Variants in SPG11 observed in about 807,000 individuals in gnomAD.
SPG11 encodes the protein spatacsin.
In SPG11, 222 loss-of-function variants were observed where a neutral mutation model predicts 274.0. The ratio of observed to expected loss-of-function variants is 0.81; its 90% CI spans 0.73 to 0.91. The LOEUF is 0.91. Among genes scored for constraint, SPG11 ranks in the 40% least tolerant of loss-of-function variants. The pLI, the probability that SPG11 is intolerant of heterozygous loss-of-function variation, is 0.00. For missense variants in SPG11, 3,114 were observed against 2,872.7 expected, an observed-to-expected ratio of 1.08 and a Z score of -1.92; for synonymous variants, 1,144 against 1,039.7, an observed-to-expected ratio of 1.10 and a Z score of -1.93.
At chr15:44,638,239 G>A (rs1475167434) in intron 7 of SPG11, among the ~76,000 whole-genome samples, 2 of 151,986 alleles carry the variant, frequency 1.3e-5, no homozygotes, top group Non-Finnish European at 2.9e-5. Flanking sequence ...AGGCGGGTGG[G>A]TCACTTGAGG....
chr15:44,628,244 A>T (rs946246954), intron 10 of SPG11, among the ~76,000 whole-genome samples: 3 of 152,386 alleles, frequency 2.0e-5, no homozygotes, highest in Middle Eastern at 3.4e-3. Context: ...TAGGACTAAA[A>T]TTAAGTATAC....
intron 14 of SPG11, 149 bp from the exon 15 acceptor site, chr15:44,620,552 CTTTTT>C: frequency 1.5e-6 from 1 of 684,094 alleles, no homozygotes; most frequent in East Asian, 2.8e-5. Flanking sequence ...TACTATTTTC[CTTTTT>C]TTGAGACAGG....
intron 16 of SPG11, among the ~76,000 whole-genome samples, 164 bp downstream of exon 16, chr15:44,615,199 G>C (rs1179960501): frequency 6.6e-6 from 1 of 152,152 alleles, no homozygotes; most frequent in East Asian, 1.9e-4. Flanking sequence ...ATGTAGTACT[G>C]AACTCAAAGA....
intron 32 of SPG11, 87 bp from the exon 33 acceptor site, chr15:44,572,907 A>T: frequency 7.9e-7 from 1 of 1,269,084 alleles, no homozygotes; most frequent in Non-Finnish European, 1.1e-6. Flanking sequence ...GGTAATGCTT[A>T]TGGAGCTCTG....
At chr15:44,644,655 G>A (rs952163057) in intron 7 of SPG11, among the ~76,000 whole-genome samples, 1 of 152,118 alleles carries the variant, frequency 6.6e-6, no homozygotes, top group Non-Finnish European at 1.5e-5. Context: ...CAGCTGACAT[G>A]ATTCTATACC....
chr15:44,604,081 A>G (rs894830546), intron 20 of SPG11: 2 of 405,882 alleles, frequency 4.9e-6, no homozygotes, highest in African/African-American at 4.2e-5. Flanking sequence ...TGGTTCCAGA[A>G]ACTAGTTCTG....
chr15:44,660,332 C>T (rs375408378), intron 2 of SPG11, 100 bp downstream of exon 2: 8 of 1,045,032 alleles, frequency 7.7e-6, no homozygotes, highest in East Asian at 2.4e-5. Flanking sequence ...TATCAGACAG[C>T]GTAGACCTGA....
In SPG11 at chr15:44,657,075, A is replaced by G. The variant is rs372186278; in HGVS notation, c.869+20T>C. On this transcript the variant is annotated intron_variant, in intron 4 of 39. Coordinates refer to ENST00000261866, the MANE Select transcript of SPG11 (RefSeq NM_025137.4). ...GTCTAACTATTTACCTCAAATTAGA[A>G]ACTGCAGTCATCTACATACCTGAAA... The G allele has an allele frequency of 6.3e-5, 101 of 1,609,632 alleles. No individual in the cohort carries two copies. Among genetic ancestry groups the G allele is most frequent in the Non-Finnish European group, 8.3e-5 (98 of 1,176,850 alleles).
At chr15:44,582,115 G>C (rs1404891771) in intron 30 of SPG11, among the ~76,000 whole-genome samples, 2 of 152,172 alleles carry the variant, frequency 1.3e-5, no homozygotes, top group Admixed American at 6.5e-5. Flanking sequence ...TCCAGTCTCA[G>C]ATAGTTTTAC....
Position 44,595,337 on chromosome 15 carries a change from A to T in SPG11, c.4557T>A (p.Asp1519Glu), listed in dbSNP as rs769991967. 3.0e-5 allele frequency: 48 copies of T among 1,614,224 alleles called. No homozygotes were observed. Among genetic ancestry groups the T allele is most frequent in the Non-Finnish European group, 4.0e-5 (47 of 1,180,028 alleles). ...STEDHTWNLE[D>E]LSVIWRTLLT... ...ATAATGTTCTCCAGATGACTGAAAG[A>T]TCCTCAAGGTTCCAGGTATGGTCCT... Residue 1519 changes from aspartate (D) to glutamate (E), a missense_variant, in exon 26 of 40, where the codon GAT (aspartate) becomes GAA (glutamate). Transcript: ENST00000261866.
At chr15:44,564,938 A>G (rs935537213) in intron 38 of SPG11, among the ~76,000 whole-genome samples, 1 of 152,014 alleles carries the variant, frequency 6.6e-6, no homozygotes. Flanking sequence ...GGGTCTCACT[A>G]TGTTGCCCAG....
In SPG11 at chr15:44,598,705, T is replaced by C. The variant is rs76389165; in HGVS notation, c.3818A>G (p.Lys1273Arg). The C allele has an allele frequency of 2.1e-3, 3,315 of 1,614,194 alleles. 42 individuals carry two copies. The African/African-American group carries it at 0.026, about 13-fold the overall frequency. Reference protein sequence around the residue: ...LDSLKLRVDMKVANIILSYKC... With the variant: ...LDSLKLRVDMRVANIILSYKC... The stretch of plus-strand genomic sequence containing the variant: ...GTAGCTCAAAATTATATTGGCCACT[T>C]TCATATCAACTCTGAGCTTGAGGCT... Residue 1273 changes from lysine to arginine, a missense_variant, in exon 22 of 40, where the codon AAA (lysine) becomes AGA (arginine). Physicochemically the swap from Lys to Arg is conservative, Grantham distance 26. Coordinates refer to ENST00000261866, the MANE Select transcript of SPG11 (RefSeq NM_025137.4).
intron 29 of SPG11, among the ~76,000 whole-genome samples, 195 bp downstream of exon 29, chr15:44,585,441 A>AAT (rs2082737762): frequency 6.7e-6 from 1 of 149,634 alleles, no homozygotes; most frequent in African/African-American, 2.4e-5. Context: ...AAAAAAAAAA[A>AAT]AAAAAAAAAA....
chr15:44,622,323 A>G lies in SPG11; in HGVS notation c.2341T>C (p.Tyr781His). Reference sequence around the variant, plus strand: ...GTTCTTTTCTCTTTTTCAGAAAAATAATTTTTTTCTTTTAAAATTTCAACC... The same window carrying G: ...GTTCTTTTCTCTTTTTCAGAAAAATGATTTTTTTCTTTTAAAATTTCAACC... ...FLVEILKEKN[Y>H]FSEKEKRTID... Residue 781 changes from tyrosine to histidine, a missense_variant, in exon 13 of 40, where the codon TAT becomes CAT. Coordinates refer to ENST00000261866, the MANE Select transcript of SPG11 (RefSeq NM_025137.4). The G allele has an allele frequency of 6.4e-7, 1 of 1,557,682 alleles. No individual in the cohort carries two copies. The highest frequency in any genetic ancestry group is 8.8e-7 in the Non-Finnish European group (1 of 1,138,564).
At chr15:44,570,720 G>C in intron 33 of SPG11, 62 bp from the exon 34 acceptor site, 2 of 1,586,268 alleles carry the variant, frequency 1.3e-6, no homozygotes, top group Non-Finnish European at 8.6e-7. Flanking sequence ...GTCAACCTCT[G>C]CCTGGCAGGA....
intron 29 of SPG11, 85 bp downstream of exon 29, chr15:44,585,551 G>A (rs1050993731): frequency 8.9e-7 from 1 of 1,128,378 alleles, no homozygotes; most frequent in Non-Finnish European, 1.3e-6. Flanking sequence ...GCAGCGAGCG[G>A]AGATCGCGCC....
chr15:44,641,626 C>A (rs1354662653), intron 7 of SPG11, among the ~76,000 whole-genome samples: 1 of 150,468 alleles, frequency 6.6e-6, no homozygotes, highest in Admixed American at 6.6e-5. Context: ...CACACACACA[C>A]ACACACAAAA....
intron 7 of SPG11, among the ~76,000 whole-genome samples, chr15:44,634,259 A>T (rs998296347): frequency 2.6e-5 from 4 of 152,136 alleles, no homozygotes; most frequent in African/African-American, 9.7e-5. Flanking sequence ...CAATTCAGTT[A>T]TATTCTATTT....
At chr15:44,565,361 G>C (rs142847626) in intron 38 of SPG11, among the ~76,000 whole-genome samples, 4 of 152,156 alleles carry the variant, frequency 2.6e-5, no homozygotes, top group African/African-American at 9.7e-5. Flanking sequence ...GGATGGTTTC[G>C]GGATGAAAAT....
Sources: allele counts gnomAD v4.1 joint callset (sites outside exome capture counted in the v4.1 genomes callset), GRCh38; gene constraint gnomAD v4.1.1; transcripts MANE v1.5; gene names NCBI Gene and HGNC (gene_info 2026-07-23, HGNC 2026-07-21).